PCDHGA1: variants seen among roughly 807,000 people sequenced by gnomAD.
PCDHGA1 encodes the protein protocadherin gamma-A1.
A neutral mutation model predicts 58.0 loss-of-function variants in PCDHGA1; 32 were observed. The ratio of observed to expected loss-of-function variants is 0.55; its 90% CI spans 0.42 to 0.74. PCDHGA1 has a LOEUF of 0.74. PCDHGA1 is among the 30% of genes least tolerant of loss of function. The pLI is 0.00. For missense variants in PCDHGA1, 1,205 were observed against 1,182.3 expected, an observed-to-expected ratio of 1.02 and a Z score of -0.28; for synonymous variants, 498 against 501.1, an observed-to-expected ratio of 0.99 and a Z score of 0.08.
At chr5:141,374,447 G>C in intron 1 of PCDHGA1, 1 of 1,613,798 alleles carries the variant, frequency 6.2e-7, no homozygotes, top group Non-Finnish European at 8.5e-7. Flanking sequence ...CGTGGAAGTG[G>C]AAATAGTGGA....
intron 1 of PCDHGA1, among the ~76,000 whole-genome samples, chr5:141,481,647 A>G (rs749515062): frequency 1.6e-4 from 25 of 151,712 alleles, no homozygotes; most frequent in Non-Finnish European, 2.8e-4. Flanking sequence ...GTGAAACTTC[A>G]TCTCTACTAA....
rs1363449 is a variant in PCDHGA1, at chr5:141,413,826, C to T, written c.2421+80721C>T. On this transcript the variant is annotated intron_variant, in intron 1 of 3. Coordinates refer to ENST00000517417, the MANE Select transcript of PCDHGA1 (RefSeq NM_018912.3). ...AGGCCATTCACCACCTGGTCCTCAC[C>T]GCCTCCGACGGGGGTGACCCTCTCC... 4,050 of 1,613,180 alleles carry T rather than the reference C, an allele frequency of 2.5e-3. 115 individuals are homozygous for T. In the African/African-American group the frequency reaches 0.047, roughly 19 times the overall value.
At position 141,389,707 on chromosome 5, in the gene PCDHGA1, A is replaced by G; in HGVS notation, c.2421+56602A>G. 1 of 1,612,620 alleles carries G rather than the reference A, an allele frequency of 6.2e-7. No homozygotes were observed. Among genetic ancestry groups the G allele is most frequent in the African/African-American group, 1.3e-5 (1 of 75,046 alleles). The stretch of plus-strand genomic sequence containing the variant: ...GCCTGGCTGTCCTACCACGTGCTGC[A>G]GGCTAGCGAGCCCGGGCTCTTCAGC... On this transcript the variant is annotated intron_variant, in intron 1 of 3. Coordinates refer to ENST00000517417, the MANE Select transcript of PCDHGA1 (RefSeq NM_018912.3).
Position 141,511,669 on chromosome 5 carries a change from T to C in PCDHGA1, c.*496T>C, listed in dbSNP as rs1468492336. 1 of 199,424 alleles carries C rather than the reference T, an allele frequency of 5.0e-6. No individual in the cohort carries two copies. The highest frequency in any genetic ancestry group is 2.3e-5 in the African/African-American group (1 of 43,748). The allele number at this position is 199,424 out of a possible 1,614,324, so 12.4% of individuals were successfully genotyped here. ...TCTTGGCCTCTCCTTTGATTCTCAA[T>C]CTTCCCCCAAAGCATGGTTTGGTGC... On this transcript the variant is annotated 3_prime_UTR_variant, in exon 4 of 4. Coordinates refer to ENST00000517417, the MANE Select transcript of PCDHGA1 (RefSeq NM_018912.3).
intron 1 of PCDHGA1, among the ~76,000 whole-genome samples, chr5:141,452,713 T>TGAGG (rs2098747318): frequency 6.7e-6 from 1 of 148,530 alleles, no homozygotes; most frequent in Non-Finnish European, 1.5e-5. Flanking sequence ...AAGGAAGGAA[T>TGAGG]GAGGGAGGGA....
At position 141,491,725 on chromosome 5, in the gene PCDHGA1, G is replaced by A. The variant is rs1008933711; in HGVS notation, c.2422-3082G>A. The A allele has an allele frequency of 6.2e-7, 1 of 1,606,496 alleles. No homozygotes were observed. The highest frequency in any genetic ancestry group is 1.3e-5 in the African/African-American group (1 of 74,728). On this transcript the variant is annotated intron_variant, in intron 1 of 3. Coordinates refer to ENST00000517417, the MANE Select transcript of PCDHGA1 (RefSeq NM_018912.3). The surrounding 1 kb of genome is among the most constrained non-coding windows in gnomAD (Gnocchi z 6.9). ...GGTGAGGGGCTCGGCGCCGCCCCGGGCGACCCCTGGGGGCGGCACTGGAGA... is the reference window on the plus strand; with the variant it reads ...GGTGAGGGGCTCGGCGCCGCCCCGGACGACCCCTGGGGGCGGCACTGGAGA...
At chr5:141,441,718 C>A in intron 1 of PCDHGA1, 1 of 344,940 alleles carries the variant, frequency 2.9e-6, no homozygotes, top group Non-Finnish European at 5.7e-6. Flanking sequence ...ACGCTGCAGG[C>A]CCGCGACCAG....
intron 3 of PCDHGA1, among the ~76,000 whole-genome samples, chr5:141,510,553 A>G (rs1471878583): frequency 6.6e-6 from 1 of 152,162 alleles, no homozygotes; most frequent in Non-Finnish European, 1.5e-5. Context: ...TGTTTTGAGC[A>G]CTTACATCTA....
intron 1 of PCDHGA1, among the ~76,000 whole-genome samples, chr5:141,406,795 C>G (rs1277584347): frequency 6.6e-6 from 1 of 152,204 alleles, no homozygotes; most frequent in African/African-American, 2.4e-5. Context: ...TTATTTCTGG[C>G]TCAATTCTCC....
intron 1 of PCDHGA1, chr5:141,366,727 A>G: frequency 1.2e-6 from 2 of 1,613,036 alleles, no homozygotes; most frequent in Non-Finnish European, 1.7e-6. Context: ...AGGTAGATGC[A>G]AACAAAGAAG....
Position 141,478,120 on chromosome 5 carries a change from G to A in PCDHGA1, c.2422-16687G>A, listed in dbSNP as rs772548778. 3.1e-6 allele frequency: 5 copies of A among 1,613,948 alleles called. No homozygotes were observed. In the Admixed American group the frequency reaches 6.7e-5, roughly 22 times the overall value. ...CTACCCTCACTGTGTCAGTAACCGA[G>A]GACTCTCCTGAAGCCCGAGCCGAGT... On this transcript the variant is annotated intron_variant, in intron 1 of 3. Coordinates refer to ENST00000517417, the MANE Select transcript of PCDHGA1 (RefSeq NM_018912.3).
In PCDHGA1 at chr5:141,432,611, T is replaced by G. The variant is rs141541670; in HGVS notation, c.2422-62196T>G. The G allele has an allele frequency of 4.2e-4, 676 of 1,613,808 alleles. 1 individual carries two copies. The African/African-American group carries it at 5.6e-3, about 13-fold the overall frequency. On this transcript the variant is annotated intron_variant, in intron 1 of 3. Coordinates refer to ENST00000517417, the MANE Select transcript of PCDHGA1 (RefSeq NM_018912.3). This position sits in a 1 kb window ranked among gnomAD's most constrained non-coding sequence, Gnocchi z 6.0. ...CAAGGCCAGCGAGCCGGGACTCTTC[T>G]CGGTGGGTCTGCACACGGGCGAGGT...
intron 1 of PCDHGA1, among the ~76,000 whole-genome samples, chr5:141,437,926 T>C (rs1374182368): frequency 2.6e-5 from 4 of 152,058 alleles, no homozygotes; most frequent in Admixed American, 1.3e-4. Context: ...TTAGTAGAGA[T>C]GGGGTTTCAC....
intron 1 of PCDHGA1, chr5:141,356,564 C>T (rs746002239): frequency 2.5e-6 from 4 of 1,614,146 alleles, no homozygotes; most frequent in Non-Finnish European, 3.4e-6. Context: ...TTCCCTCATG[C>T]TTCCTACTCT....
At chr5:141,344,305 A>G in intron 1 of PCDHGA1, 1 of 1,614,066 alleles carries the variant, frequency 6.2e-7, no homozygotes, top group Non-Finnish European at 8.5e-7. Flanking sequence ...GAGAGGATAG[A>G]CCGGGAGGAG....
intron 1 of PCDHGA1, chr5:141,370,309 A>G: frequency 8.1e-7 from 1 of 1,240,254 alleles, no homozygotes; most frequent in South Asian, 1.6e-5. Flanking sequence ...GACAAAGCAA[A>G]TAGTTGGTCC....
chr5:141,362,085 A>T, intron 1 of PCDHGA1: 1 of 1,613,154 alleles, frequency 6.2e-7, no homozygotes, highest in Non-Finnish European at 8.5e-7. Context: ...GTGATGGAGG[A>T]CAGCCGCCAC....
intron 1 of PCDHGA1, chr5:141,412,431 G>GTTAA (rs1478574285): frequency 6.6e-6 from 1 of 152,132 alleles, no homozygotes; most frequent in African/African-American, 2.4e-5. Context: ...ACACAAAAAG[G>GTTAA]TTAATTAAGG....
At chr5:141,422,665 C>T in intron 1 of PCDHGA1, 2 of 1,608,390 alleles carry the variant, frequency 1.2e-6, no homozygotes, top group Non-Finnish European at 8.5e-7. Context: ...CGCCCTCGAC[C>T]CGGACAGCAA....
Sources: allele counts gnomAD v4.1 joint callset (sites outside exome capture counted in the v4.1 genomes callset), GRCh38; gene constraint gnomAD v4.1.1; non-coding constraint Gnocchi (gnomAD v3.1); transcripts MANE v1.5; gene names NCBI Gene and HGNC (gene_info 2026-07-23, HGNC 2026-07-21).